TTLL13: variants seen among roughly 807,000 people sequenced by gnomAD.
TTLL13 encodes the protein tubulin tyrosine ligase like 13, also known as tubulin polyglutamylase TTLL13.
the TTLL13 span, chr15:90,261,918 G>A: frequency 1.8e-6 from 2 of 1,103,952 alleles, no homozygotes; most frequent in Non-Finnish European, 2.4e-6. Flanking sequence ...AAGCCAGCAG[G>A]AGGGTCTCCA....
the TTLL13 span, among the ~76,000 whole-genome samples, chr15:90,261,308 A>T: frequency 1.3e-5 from 2 of 149,364 alleles, no homozygotes; most frequent in South Asian, 2.1e-4. Flanking sequence ...CGAATTCCCA[A>T]CCTCAAGTGA....
chr15:90,255,936 C>T, the TTLL13 span: 13 of 1,612,426 alleles, frequency 8.1e-6, no homozygotes, highest in Middle Eastern at 1.6e-4. Context: ...GGAAAAGGGT[C>T]GCTCTCAGAG....
chr15:90,257,947 T>C, the TTLL13 span: 7 of 1,259,562 alleles, frequency 5.6e-6, no homozygotes, highest in Non-Finnish European at 7.9e-6. Context: ...AGCCCGGGCA[T>C]GCAATTAGCG....
the TTLL13 span, chr15:90,265,063 C>T: frequency 6.4e-6 from 9 of 1,414,550 alleles, no homozygotes; most frequent in African/African-American, 1.0e-4. Flanking sequence ...CACCAAGTTC[C>T]ACTTTGAAAA....
chr15:90,260,850 C>CAAAAAA, the TTLL13 span, among the ~76,000 whole-genome samples: 1 of 60,228 alleles, frequency 1.7e-5, no homozygotes, highest in African/African-American at 5.2e-5. Flanking sequence ...GACTCTGTCT[C>CAAAAAA]AAAAAAAAAA....
chr15:90,254,188 G>GTTGTTGT, the TTLL13 span, among the ~76,000 whole-genome samples: 879 of 104,000 alleles, frequency 8.5e-3, 10 homozygotes, highest in Middle Eastern at 0.027. Flanking sequence ...GTGAGACCCT[G>GTTGTTGT]TTTTTTTTTT....
the TTLL13 span, among the ~76,000 whole-genome samples, chr15:90,256,746 C>G: frequency 3.3e-5 from 5 of 151,214 alleles, no homozygotes; most frequent in African/African-American, 1.2e-4. Flanking sequence ...TGGAGTGCAG[C>G]GGCACGATCT....
At chr15:90,258,843 G>A in the TTLL13 span, 1 of 1,614,182 alleles carries the variant, frequency 6.2e-7, no homozygotes, top group Non-Finnish European at 8.5e-7. Context: ...CTCCGGGGCT[G>A]TGACAAAAGG....
chr15:90,256,557 CTT>C, the TTLL13 span, among the ~76,000 whole-genome samples: 570 of 37,092 alleles, frequency 0.015, 2 homozygotes, highest in African/African-American at 0.062. Flanking sequence ...TTCTTTCTTT[CTT>C]TCTTTCTTTC....
At chr15:90,262,439 C>T in the TTLL13 span, 6 of 1,433,152 alleles carry the variant, frequency 4.2e-6, no homozygotes, top group Non-Finnish European at 5.5e-6. Flanking sequence ...TTCCTCACCC[C>T]TCTTCTCCCC....
the TTLL13 span, chr15:90,257,084 A>T: frequency 1.9e-6 from 3 of 1,553,154 alleles, no homozygotes; most frequent in South Asian, 3.6e-5. Flanking sequence ...AGAACAGCAC[A>T]TAGTAGGCAC....
the TTLL13 span, chr15:90,253,295 T>C: frequency 4.3e-6 from 7 of 1,613,664 alleles, no homozygotes; most frequent in Non-Finnish European, 5.1e-6. Context: ...TGGGGGAGGA[T>C]GAAGAGTGGA....
chr15:90,262,086 G>A, the TTLL13 span: 19 of 1,535,784 alleles, frequency 1.2e-5, no homozygotes, highest in Admixed American at 3.9e-5. Flanking sequence ...AAATACCGGC[G>A]GATCTACCCT....
chr15:90,254,260 C>T, the TTLL13 span, among the ~76,000 whole-genome samples: 5 of 150,212 alleles, frequency 3.3e-5, no homozygotes, highest in Non-Finnish European at 5.9e-5. Context: ...TTTGGGAGGC[C>T]GAGGCGGGCG....
At chr15:90,253,361 G>C in the TTLL13 span, 3 of 1,611,698 alleles carry the variant, frequency 1.9e-6, no homozygotes, top group South Asian at 2.2e-5. Context: ...ACATGAAGAG[G>C]TTTCAGGTAC....
At chr15:90,260,439 G>A in the TTLL13 span, among the ~76,000 whole-genome samples, 1 of 152,208 alleles carries the variant, frequency 6.6e-6, no homozygotes, top group African/African-American at 2.4e-5. Context: ...TGAGGTTATA[G>A]CGAACTGAGA....
the TTLL13 span, chr15:90,262,946 A>C: frequency 1.9e-5 from 29 of 1,531,380 alleles, no homozygotes; most frequent in African/African-American, 2.7e-5. Flanking sequence ...TCCTGCATTT[A>C]TCTCTCATGT....
chr15:90,255,881 G>A, the TTLL13 span: 17 of 1,613,996 alleles, frequency 1.1e-5, no homozygotes, highest in African/African-American at 5.3e-5. Flanking sequence ...GTGCCTCCCC[G>A]CAGAGTGAGT....
At chr15:90,257,518 T>C in the TTLL13 span, 4 of 1,050,936 alleles carry the variant, frequency 3.8e-6, no homozygotes, top group Admixed American at 6.8e-5. Context: ...AGTCCTCTGG[T>C]GGAGAGAGAC....
Sources: gnomAD v4.1 joint callset for allele counts (sites outside exome capture counted in the v4.1 genomes callset) on GRCh38, gnomAD v4.1.1 for gene constraint, MANE v1.5 for transcripts, NCBI Gene and HGNC (gene_info 2026-07-23, HGNC 2026-07-21) for gene names.